The following TMPRSS11F variants were observed in gnomAD, a reference collection of about 807,000 sequenced individuals.
TMPRSS11F encodes the protein transmembrane protease serine 11F.
TMPRSS11F carries 47 observed loss-of-function variants against 60.2 expected under a neutral mutation model. The ratio of observed to expected loss-of-function variants is 0.78; its 90% CI spans 0.62 to 1.00. The LOEUF (loss-of-function observed/expected upper bound fraction) is 1.00. TMPRSS11F is among the 50% of genes least tolerant of loss of function. The pLI is 0.00. For missense variants in TMPRSS11F, 519 were observed against 522.9 expected (o/e 0.99, Z 0.07); for synonymous variants, 166 against 167.3 (o/e 0.99, Z 0.06).
In TMPRSS11F at chr4:68,071,014, A is replaced by T. The variant is rs377043962; in HGVS notation, c.515-1007T>A. Among the ~76,000 whole-genome samples, 6 of 151,260 alleles carry T rather than the reference A, an allele frequency of 4.0e-5. No homozygotes were observed. The East Asian group carries it at 9.6e-4, about 24-fold the overall frequency. On this transcript the variant is annotated intron_variant, in intron 5 of 9. Coordinates refer to ENST00000356291, the MANE Select transcript of TMPRSS11F (RefSeq NM_207407.2). ...TCATTGTATGTAACCAACAATGCCA[A>T]AATTTTTTAATAAATTATACAATAA... is the stretch of plus-strand genomic sequence containing the variant.
intron 7 of TMPRSS11F, among the ~76,000 whole-genome samples, chr4:68,068,158 C>CA (rs1282731957): frequency 6.6e-6 from 1 of 152,052 alleles, no homozygotes; most frequent in East Asian, 1.9e-4. Context: ...TGCAGGGTTC[C>CA]TAGAGAATGC....
At chr4:68,086,002 C>T (rs1322547193) in intron 3 of TMPRSS11F, among the ~76,000 whole-genome samples, 2 of 152,094 alleles carry the variant, frequency 1.3e-5, no homozygotes, top group Non-Finnish European at 2.9e-5. Flanking sequence ...AAATTGTGGA[C>T]AAAAACTTGA....
chr4:68,096,782 C>A (rs1724084355), intron 2 of TMPRSS11F, among the ~76,000 whole-genome samples: 1 of 152,100 alleles, frequency 6.6e-6, no homozygotes, highest in African/African-American at 2.4e-5. Flanking sequence ...GTGACTTTTA[C>A]CACTATGTCT....
chr4:68,068,521 A>T, intron 7 of TMPRSS11F, 97 bp downstream of exon 7: 1 of 1,021,528 alleles, frequency 9.8e-7, no homozygotes, highest in East Asian at 2.4e-5. Flanking sequence ...GAATGGAGCA[A>T]AGGTTAAACT....
chr4:68,081,597 C>T lies in TMPRSS11F; in HGVS notation c.283-7588G>A, dbSNP rs186785621. On this transcript the variant is annotated intron_variant, in intron 3 of 9. Coordinates refer to ENST00000356291, the MANE Select transcript of TMPRSS11F (RefSeq NM_207407.2). The stretch of plus-strand genomic sequence containing the variant: ...CATTCCATTTAGTTAAGTAGTGATA[C>T]TTCACACATTAATTTTAAGTAATTA... Among the ~76,000 whole-genome samples the T allele has an allele frequency of 4.6e-5, 7 of 152,298 alleles. 1 individual carries two copies. Among genetic ancestry groups the T allele is most frequent in the Admixed American group, 3.9e-4 (6 of 15,298 alleles).
intron 9 of TMPRSS11F, among the ~76,000 whole-genome samples, chr4:68,054,884 T>C (rs1723008565): frequency 6.6e-6 from 1 of 152,234 alleles, no homozygotes; most frequent in Non-Finnish European, 1.5e-5. Flanking sequence ...CAATATTAAA[T>C]AAGCCCAAAA....
intron 2 of TMPRSS11F, among the ~76,000 whole-genome samples, chr4:68,091,749 C>CTATCTA (rs1553887390): frequency 1.0e-4 from 2 of 19,926 alleles, no homozygotes; most frequent in South Asian, 7.4e-3. Context: ...AATCTCTAAT[C>CTATCTA]TCTCTCTCTC....
chr4:68,059,313 A>C lies in TMPRSS11F; in HGVS notation c.1158+13T>G, dbSNP rs1332368225. Reference sequence around the variant, plus strand: ...CTTTCCTCATAAACTTTTGGCCTTGACTTTAAACTTACCTTACATGCATCT... The same window carrying C: ...CTTTCCTCATAAACTTTTGGCCTTGCCTTTAAACTTACCTTACATGCATCT... On this transcript the variant is annotated intron_variant, in intron 9 of 9. Transcript: ENST00000356291. 2.5e-6 allele frequency: 4 copies of C among 1,612,166 alleles called. No individual in the cohort carries two copies. Among genetic ancestry groups the C allele is most frequent in the Non-Finnish European group, 8.5e-7 (1 of 1,179,402 alleles).
intron 1 of TMPRSS11F, among the ~76,000 whole-genome samples, chr4:68,117,182 A>C (rs1007308837): frequency 2.0e-5 from 3 of 152,052 alleles, no homozygotes; most frequent in African/African-American, 4.8e-5. Context: ...AAAATGGACA[A>C]ATTGGCCAGG....
At chr4:68,075,140 A>C (rs1723557885) in intron 3 of TMPRSS11F, among the ~76,000 whole-genome samples, 1 of 150,948 alleles carries the variant, frequency 6.6e-6, no homozygotes, top group Non-Finnish European at 1.5e-5. Flanking sequence ...TCCCCACAAG[A>C]TTCCTTCCTC....
intron 3 of TMPRSS11F, among the ~76,000 whole-genome samples, chr4:68,084,858 A>G (rs1005974138): frequency 1.5e-5 from 2 of 137,328 alleles, no homozygotes; most frequent in Admixed American, 7.4e-5. Flanking sequence ...AGCATTAGGT[A>G]TATCTCCCAA....
At position 68,065,080 on chromosome 4, in the gene TMPRSS11F, A is replaced by T. The variant is rs748065100; in HGVS notation, c.756-136T>A. 1,060 of 803,796 alleles carry T rather than the reference A, an allele frequency of 1.3e-3. No homozygotes were observed. The highest frequency in any genetic ancestry group is 1.7e-3 in the Non-Finnish European group (904 of 535,066). 49.8% of individuals were successfully genotyped at this position (803,796 alleles called of 1,614,324 possible). A position where few individuals can be genotyped will look rare whatever the true frequency, so the allele number is the denominator to read the frequency against. On this transcript the variant is annotated intron_variant, in intron 7 of 9. Coordinates refer to ENST00000356291, the MANE Select transcript of TMPRSS11F (RefSeq NM_207407.2). ...GGTGAGAAAGTTTGTAGTTGATAAC[A>T]TAATAGGAAAAAAATTGTTTTTAAA...
chr4:68,069,072 A>G (rs929668259), intron 6 of TMPRSS11F, among the ~76,000 whole-genome samples: 1 of 152,222 alleles, frequency 6.6e-6, no homozygotes, highest in African/African-American at 2.4e-5. Context: ...TAGATAATTC[A>G]TTGAGCACCA....
intron 6 of TMPRSS11F, 106 bp from the exon 7 acceptor site, chr4:68,068,925 C>G: frequency 9.0e-7 from 1 of 1,114,726 alleles, no homozygotes; most frequent in Admixed American, 1.9e-5. Flanking sequence ...ACCATGTGAA[C>G]CATTCATAGC....
At chr4:68,117,016 G>A (rs895732126) in intron 1 of TMPRSS11F, among the ~76,000 whole-genome samples, 3 of 152,060 alleles carry the variant, frequency 2.0e-5, no homozygotes, top group African/African-American at 7.2e-5. Flanking sequence ...AAACTAAAAC[G>A]CTTCTGCACA....
At chr4:68,084,269 C>T (rs533453182) in intron 3 of TMPRSS11F, among the ~76,000 whole-genome samples, 1 of 152,200 alleles carries the variant, frequency 6.6e-6, no homozygotes, top group South Asian at 2.1e-4. Flanking sequence ...ACAAAAATCT[C>T]CCCAATCTCA....
chr4:68,066,451 G>A (rs1723330287), intron 7 of TMPRSS11F, among the ~76,000 whole-genome samples: 2 of 152,138 alleles, frequency 1.3e-5, no homozygotes, highest in African/African-American at 4.8e-5. Context: ...GGTGATTTGT[G>A]CAGGTAAGTG....
chr4:68,060,081 G>A (rs1723127248), intron 8 of TMPRSS11F, among the ~76,000 whole-genome samples: 1 of 152,044 alleles, frequency 6.6e-6, no homozygotes, highest in Non-Finnish European at 1.5e-5. Context: ...GAAGCTATTG[G>A]TGAGTAGCCC....
chr4:68,084,707 C>CATTT (rs1197852585), intron 3 of TMPRSS11F, among the ~76,000 whole-genome samples: 2 of 150,940 alleles, frequency 1.3e-5, no homozygotes, highest in Non-Finnish European at 2.9e-5. Context: ...CACAGAAACA[C>CATTT]ATTTATTTAT....
Sources: allele counts gnomAD v4.1 joint callset (sites outside exome capture counted in the v4.1 genomes callset), GRCh38; gene constraint gnomAD v4.1.1; transcripts MANE v1.5; gene names NCBI Gene and HGNC (gene_info 2026-07-23, HGNC 2026-07-21).